The following TTC7B variants were observed in gnomAD, a reference collection of about 807,000 sequenced individuals.
The protein encoded by TTC7B is tetratricopeptide repeat protein 7B.
Under a neutral mutation model 106.8 loss-of-function variants are expected in TTC7B, and 28 were observed. That is an observed-to-expected ratio of 0.26 (90% CI 0.19 to 0.36). The LOEUF (loss-of-function observed/expected upper bound fraction) is 0.36. TTC7B is among the 10% of genes least tolerant of loss of function. The probability of loss-of-function intolerance (pLI) is 1.00; values close to 1 mark genes in which losing one functional copy is unlikely to be tolerated. For missense variants in TTC7B, 862 were observed against 1,076.4 expected (o/e 0.80, Z 2.79); for synonymous variants, 405 against 430.6 (o/e 0.94, Z 0.74).
At chr14:90,555,648 GC>G (rs1654902508) in intron 19 of TTC7B, among the ~76,000 whole-genome samples, 2 of 152,184 alleles carry the variant, frequency 1.3e-5, no homozygotes, top group South Asian at 4.1e-4. Context: ...CCTTTTCCTT[GC>G]CCTTGGGATT....
At chr14:90,589,057 C>G (rs1566785826) in intron 18 of TTC7B, among the ~76,000 whole-genome samples, 1 of 152,124 alleles carries the variant, frequency 6.6e-6, no homozygotes, top group Non-Finnish European at 1.5e-5. Context: ...CCATTTTCTA[C>G]TTGTCAGACT....
At chr14:90,607,766 G>C (rs942654110) in intron 17 of TTC7B, among the ~76,000 whole-genome samples, 1 of 152,198 alleles carries the variant, frequency 6.6e-6, no homozygotes, top group Admixed American at 6.5e-5. Context: ...TCCACAGATG[G>C]GTATGGAGGC....
chr14:90,658,625 G>A (rs948694211), intron 9 of TTC7B, among the ~76,000 whole-genome samples: 5 of 152,180 alleles, frequency 3.3e-5, no homozygotes, highest in Admixed American at 2.0e-4. Flanking sequence ...CCCTGCCCTC[G>A]AGTAGCTTTG....
intron 18 of TTC7B, among the ~76,000 whole-genome samples, chr14:90,590,171 C>T (rs192439998): frequency 6.6e-6 from 1 of 152,148 alleles, no homozygotes; most frequent in African/African-American, 2.4e-5. Context: ...AAGGGAGCAC[C>T]TATCATACAG....
Position 90,802,969 on chromosome 14 carries a change from TAAAA to T in TTC7B, c.121+13202_121+13205del, listed in dbSNP as rs34070744. ...CAACATGGTGAAACCCCATCTCTGCTAAAAAAAAAAAAAAATACAAAAAATTAGC... is the reference window on the plus strand; with the variant it reads ...CAACATGGTGAAACCCCATCTCTGCTAAAAAAAAAAATACAAAAAATTAGC... On this transcript the variant is annotated intron_variant, in intron 1 of 19. Coordinates refer to ENST00000328459, the MANE Select transcript of TTC7B (RefSeq NM_001010854.2). The surrounding 1 kb of genome is among the most constrained non-coding windows in gnomAD (Gnocchi z 4.7). Among the ~76,000 whole-genome samples the T allele has an allele frequency of 7.1e-6, 1 of 141,490 alleles. No homozygotes were observed. Among genetic ancestry groups the T allele is most frequent in the South Asian group, 2.3e-4 (1 of 4,404 alleles). 92.8% of individuals were successfully genotyped at this position (141,490 alleles called of 152,430 possible).
At chr14:90,579,333 A>G (rs1241253455) in intron 18 of TTC7B, among the ~76,000 whole-genome samples, 3 of 152,214 alleles carry the variant, frequency 2.0e-5, no homozygotes, top group Admixed American at 1.3e-4. Context: ...TCCCACCTGC[A>G]GGCCAGACCC....
intron 15 of TTC7B, among the ~76,000 whole-genome samples, chr14:90,628,153 C>G (rs1884533072): frequency 6.6e-6 from 1 of 152,204 alleles, no homozygotes; most frequent in South Asian, 2.1e-4. Context: ...TGAACAAGTG[C>G]CTCTGGAACA....
At position 90,805,425 on chromosome 14, in the gene TTC7B, G is replaced by A. The variant is rs1457001515; in HGVS notation, c.121+10750C>T. The stretch of plus-strand genomic sequence containing the variant: ...ATTACAGGCGTGTACCACAATGCCC[G>A]GCTAATTTTTTTGTACTTTTAGTAG... On this transcript the variant is annotated intron_variant, in intron 1 of 19. Transcript: ENST00000328459. This position sits in a 1 kb window ranked among gnomAD's most constrained non-coding sequence, Gnocchi z 4.0. Among the ~76,000 whole-genome samples, 6 of 152,142 alleles carry A rather than the reference G, an allele frequency of 3.9e-5. No homozygotes were observed. Among genetic ancestry groups the A allele is most frequent in the African/African-American group, 1.2e-4 (5 of 41,434 alleles).
chr14:90,665,968 C>T (rs1404529417), intron 9 of TTC7B, among the ~76,000 whole-genome samples: 7 of 152,192 alleles, frequency 4.6e-5, no homozygotes, highest in Non-Finnish European at 1.0e-4. Context: ...TGGGCCATCA[C>T]CTTATACCCA....
chr14:90,784,279 C>T (rs56871608), intron 2 of TTC7B, among the ~76,000 whole-genome samples: 41,410 of 152,050 alleles, frequency 0.27, 9,315 homozygotes, highest in African/African-American at 0.62. Flanking sequence ...GAGATGAGGC[C>T]GGGAGCGGTG....
intron 9 of TTC7B, among the ~76,000 whole-genome samples, chr14:90,669,878 C>G (rs942003009): frequency 9.2e-5 from 14 of 152,172 alleles, no homozygotes; most frequent in Admixed American, 5.9e-4. Flanking sequence ...GGCAGTTCCT[C>G]AAAAAGTTAA....
intron 9 of TTC7B, among the ~76,000 whole-genome samples, chr14:90,658,948 G>T (rs192337074): frequency 6.6e-6 from 1 of 152,234 alleles, no homozygotes; most frequent in African/African-American, 2.4e-5. Context: ...ACATGATGAC[G>T]TTAGAGCTTT....
chr14:90,726,146 A>G (rs895326757), intron 5 of TTC7B, among the ~76,000 whole-genome samples: 4 of 152,196 alleles, frequency 2.6e-5, no homozygotes, highest in Admixed American at 1.3e-4. Context: ...ACATGCCCAA[A>G]TCAAGCTTCT....
chr14:90,617,911 G>A lies in TTC7B; in HGVS notation c.1868+18C>T. The A allele has an allele frequency of 6.2e-7, 1 of 1,601,770 alleles. No individual in the cohort carries two copies. Among genetic ancestry groups the A allele is most frequent in the Non-Finnish European group, 8.6e-7 (1 of 1,169,390 alleles). ...CCCATGCAAAAGCCACGCAAAGCAG[G>A]CCCTGCTGGCCTCTTACCTGGGGTT... On this transcript the variant is annotated intron_variant, in intron 16 of 19. Coordinates refer to ENST00000328459, the MANE Select transcript of TTC7B (RefSeq NM_001010854.2).
At chr14:90,625,765 T>C (rs1406771087) in intron 15 of TTC7B, among the ~76,000 whole-genome samples, 1 of 152,172 alleles carries the variant, frequency 6.6e-6, no homozygotes, top group East Asian at 1.9e-4. Context: ...ATGCACATCC[T>C]CAATAATGTC....
intron 1 of TTC7B, among the ~76,000 whole-genome samples, chr14:90,795,793 C>T (rs1891755375): frequency 1.3e-5 from 2 of 152,154 alleles, no homozygotes; most frequent in South Asian, 2.1e-4. Flanking sequence ...GACACAAGCT[C>T]CGTGTTCAAC....
chr14:90,782,636 T>C (rs56383789), intron 2 of TTC7B, among the ~76,000 whole-genome samples: 6,507 of 152,138 alleles, frequency 0.043, 175 homozygotes, highest in Non-Finnish European at 0.058. Context: ...TCCACCCAGG[T>C]AGGGGACAGG....
At chr14:90,705,642 C>A (rs1474069450) in intron 5 of TTC7B, among the ~76,000 whole-genome samples, 1 of 152,168 alleles carries the variant, frequency 6.6e-6, no homozygotes, top group African/African-American at 2.4e-5. Flanking sequence ...CACCATGTAA[C>A]CACCACCAAA....
At chr14:90,572,772 A>G (rs1891082755) in intron 19 of TTC7B, among the ~76,000 whole-genome samples, 1 of 152,150 alleles carries the variant, frequency 6.6e-6, no homozygotes, top group Admixed American at 6.5e-5. Flanking sequence ...TATTAGATTG[A>G]CCCCTTATGG....
Sources: gnomAD v4.1 joint callset for allele counts (sites outside exome capture counted in the v4.1 genomes callset) on GRCh38, gnomAD v4.1.1 for gene constraint, Gnocchi (gnomAD v3.1) non-coding constraint, MANE v1.5 for transcripts, NCBI Gene and HGNC (gene_info 2026-07-23, HGNC 2026-07-21) for gene names.